Variants in ZNF831 observed in about 807,000 individuals in gnomAD.
ZNF831 encodes chromosome 20 open reading frame 174.
A neutral mutation model predicts 95.8 loss-of-function variants in ZNF831; 59 were observed. The observed-to-expected ratio is 0.62, with a 90% CI of 0.50 to 0.77. ZNF831 has a LOEUF of 0.77. Ranked by LOEUF, ZNF831 falls within the 30% of genes least tolerant of loss-of-function variation. ZNF831 has a pLI of 0.00. For synonymous variants in ZNF831, 961 were observed against 925.5 expected (o/e 1.04, Z -0.70); for missense variants, 2,205 against 2,164.0 (o/e 1.02, Z -0.38).
chr20:59,147,293 G>C (rs553142854), intron 2 of ZNF831, among the ~76,000 whole-genome samples: 1 of 152,308 alleles, frequency 6.6e-6, no homozygotes, highest in Non-Finnish European at 1.5e-5. Context: ...AATGTCACAG[G>C]CATGTTCCAT....
chr20:59,248,761 C>A (rs1272736904), intron 4 of ZNF831, among the ~76,000 whole-genome samples: 3 of 152,208 alleles, frequency 2.0e-5, no homozygotes, highest in Non-Finnish European at 4.4e-5. Context: ...CATATCATCA[C>A]CATTAATTTT....
At chr20:59,146,431 G>A (rs1243897721) in intron 2 of ZNF831, 1 of 152,312 alleles carries the variant, frequency 6.6e-6, no homozygotes, top group Non-Finnish European at 1.5e-5. Flanking sequence ...TGCAAGGCCA[G>A]ATGAAGGGAT....
At chr20:59,156,880 T>C (rs1980573023) in intron 2 of ZNF831, among the ~76,000 whole-genome samples, 1 of 152,260 alleles carries the variant, frequency 6.6e-6, no homozygotes, top group African/African-American at 2.4e-5. Context: ...AAATATTTTT[T>C]TAAAAAGAAG....
At chr20:59,132,219 T>C (rs1979369256) in intron 1 of ZNF831, among the ~76,000 whole-genome samples, 4 of 152,186 alleles carry the variant, frequency 2.6e-5, no homozygotes, top group Admixed American at 6.5e-5. Context: ...GCATTTTAAA[T>C]GACTGCCTTG....
chr20:59,211,913 G>A (rs1985363545), intron 4 of ZNF831, among the ~76,000 whole-genome samples: 1 of 152,252 alleles, frequency 6.6e-6, no homozygotes, highest in Admixed American at 6.5e-5. Context: ...CCAAAGGGCT[G>A]TAACTTGGGG....
intron 2 of ZNF831, among the ~76,000 whole-genome samples, chr20:59,147,526 G>GT (rs1362331537): frequency 1.3e-5 from 2 of 152,214 alleles, no homozygotes; most frequent in African/African-American, 2.4e-5. Flanking sequence ...GTTATACTTT[G>GT]TTTTTTAAAA....
At chr20:59,199,251 C>T (rs1984361977) in intron 3 of ZNF831, among the ~76,000 whole-genome samples, 1 of 151,980 alleles carries the variant, frequency 6.6e-6, no homozygotes, top group South Asian at 2.1e-4. Flanking sequence ...GCAGAGATTG[C>T]TCTATAGTCC....
chr20:59,186,010 C>A (rs1983001351), intron 1 of ZNF831, among the ~76,000 whole-genome samples: 1 of 152,204 alleles, frequency 6.6e-6, no homozygotes, highest in African/African-American at 2.4e-5. Flanking sequence ...GGCCACAGAG[C>A]CTACCCCGTG....
At chr20:59,242,218 C>T (rs759204262) in intron 4 of ZNF831, among the ~76,000 whole-genome samples, 2 of 152,142 alleles carry the variant, frequency 1.3e-5, no homozygotes, top group Admixed American at 6.6e-5. Context: ...TCTTTCTTCC[C>T]AGCTATTATT....
intron 1 of ZNF831, among the ~76,000 whole-genome samples, chr20:59,164,919 A>G (rs1401165648): frequency 6.6e-6 from 1 of 152,244 alleles, no homozygotes. Context: ...AACGAGGGAC[A>G]GGATGCAACT....
chr20:59,250,124 G>C (rs1487695876), intron 4 of ZNF831, among the ~76,000 whole-genome samples: 2 of 152,202 alleles, frequency 1.3e-5, no homozygotes, highest in African/African-American at 4.8e-5. Flanking sequence ...TCAGAGCTTG[G>C]TAACTTCCCT....
intron 4 of ZNF831, among the ~76,000 whole-genome samples, chr20:59,247,254 G>A (rs1987661162): frequency 6.6e-6 from 1 of 152,158 alleles, no homozygotes; most frequent in Non-Finnish European, 1.5e-5. Context: ...AGGTTGGGTT[G>A]GGGTCCTATT....
chr20:59,147,244 T>G (rs1362647616), intron 2 of ZNF831, among the ~76,000 whole-genome samples: 2 of 152,230 alleles, frequency 1.3e-5, no homozygotes, highest in African/African-American at 4.8e-5. Context: ...CTATTTTTAG[T>G]TTCCAAGATC....
At position 59,257,620 on chromosome 20, in the gene ZNF831, G is replaced by T. The variant is rs1988244301; in HGVS notation, c.*2877G>T. The T allele has an allele frequency of 6.6e-6, 1 of 152,188 alleles. No individual in the cohort carries two copies. Among genetic ancestry groups the T allele is most frequent in the Non-Finnish European group, 1.5e-5 (1 of 68,030 alleles). 9.4% of individuals were successfully genotyped at this position (152,188 alleles called of 1,614,324 possible). A position where few individuals can be genotyped will look rare whatever the true frequency, so the allele number is the denominator to read the frequency against. On this transcript the variant is annotated 3_prime_UTR_variant, in exon 6 of 6. Transcript: ENST00000371030. ...CCACAGTTTTATACTCTGCAAGTGT[G>T]TACTGCATGATGGTTAAGGAAAAAC...
chr20:59,151,482 C>T (rs1337640112), intron 2 of ZNF831, among the ~76,000 whole-genome samples: 2 of 152,188 alleles, frequency 1.3e-5, no homozygotes, highest in Non-Finnish European at 2.9e-5. Flanking sequence ...TCCCATGTGC[C>T]TGGGGCTCTT....
Position 59,192,509 on chromosome 20 carries a change from A to AATGTG in ZNF831, c.1491_1495dup (p.Val499AspfsTer37). The AATGTG allele has an allele frequency of 3.2e-6, 5 of 1,546,100 alleles. No individual in the cohort carries two copies. The highest frequency in any genetic ancestry group is 4.4e-6 in the Non-Finnish European group (5 of 1,147,724). On this transcript the variant is annotated frameshift_variant, in exon 2 of 6. Transcript: ENST00000371030. LOFTEE classifies it high-confidence loss of function. This position sits in a 1 kb window ranked among gnomAD's most constrained non-coding sequence, Gnocchi z 5.2. Reference sequence around the variant, plus strand: ...CCCACTCAGCTCTCCACCACCGTGGAATGTGTCCCCGTCACCAGGAGCAAC... The same window carrying AATGTG: ...CCCACTCAGCTCTCCACCACCGTGGAATGTGATGTGTCCCCGTCACCAGGAGCAAC...
chr20:59,236,460 GT>G (rs1987004619), intron 4 of ZNF831, among the ~76,000 whole-genome samples: 1 of 150,596 alleles, frequency 6.6e-6, no homozygotes, highest in African/African-American at 2.4e-5. Flanking sequence ...TTTTGTTTTT[GT>G]TTTTTGTTTT....
At chr20:59,214,633 G>A (rs761110927) in intron 4 of ZNF831, among the ~76,000 whole-genome samples, 5 of 152,258 alleles carry the variant, frequency 3.3e-5, no homozygotes, top group Non-Finnish European at 7.3e-5. Flanking sequence ...ATGTATGTGT[G>A]TGTGTCTGCA....
At chr20:59,234,678 CCCCTGCAAACACAAAT>C (rs1160064734) in intron 4 of ZNF831, among the ~76,000 whole-genome samples, 4 of 152,158 alleles carry the variant, frequency 2.6e-5, no homozygotes, top group Admixed American at 6.5e-5. Flanking sequence ...TGAAAGATCC[CCCCTGCAAACACAAAT>C]CCCTTCCCCA....
Sources: allele counts gnomAD v4.1 joint callset (sites outside exome capture counted in the v4.1 genomes callset), GRCh38; gene constraint gnomAD v4.1.1; non-coding constraint Gnocchi (gnomAD v3.1); transcripts MANE v1.5; gene names NCBI Gene and HGNC (gene_info 2026-07-23, HGNC 2026-07-21).